The following AP1B1 variants were observed in gnomAD, a reference collection of about 807,000 sequenced individuals.
AP1B1 encodes the protein AP-1 complex subunit beta-1.
Under a neutral mutation model 104.3 loss-of-function variants are expected in AP1B1, and 36 were observed. The observed-to-expected ratio is 0.35, with a 90% CI of 0.26 to 0.46. AP1B1 has a LOEUF of 0.46. Among genes scored for constraint, AP1B1 ranks in the 20% least tolerant of loss-of-function variants. The probability of loss-of-function intolerance (pLI) is 1.00; values close to 1 mark genes in which losing one functional copy is unlikely to be tolerated. For synonymous variants in AP1B1, 504 were observed against 517.5 expected (o/e 0.97, Z 0.35); for missense variants, 901 against 1,247.9 (o/e 0.72, Z 4.19).
At chr22:29,332,207 C>T (rs2061572265) in intron 17 of AP1B1, 3 of 317,050 alleles carry the variant, frequency 9.5e-6, no homozygotes, top group South Asian at 1.8e-4. Context: ...CACTGGTGGG[C>T]CCAGGTAGGC....
At chr22:29,331,733 G>A in intron 18 of AP1B1, 54 bp downstream of exon 18, 1 of 1,614,004 alleles carries the variant, frequency 6.2e-7, no homozygotes. Flanking sequence ...ACCCCAGTGG[G>A]GCCCGGCTGG....
intron 11 of AP1B1, among the ~76,000 whole-genome samples, chr22:29,347,109 T>G (rs2061805180): frequency 1.3e-5 from 2 of 152,182 alleles, no homozygotes; most frequent in Non-Finnish European, 2.9e-5. Flanking sequence ...GAACTGTTGA[T>G]TCCTTACAGC....
chr22:29,366,557 AGC>A (rs1166828062), intron 2 of AP1B1, among the ~76,000 whole-genome samples: 1 of 152,044 alleles, frequency 6.6e-6, no homozygotes, highest in African/African-American at 2.4e-5. Context: ...AAACCTGGAA[AGC>A]GGAGGTTGTG....
chr22:29,357,670 G>C (rs1196678770), intron 5 of AP1B1, among the ~76,000 whole-genome samples: 1 of 149,406 alleles, frequency 6.7e-6, no homozygotes, highest in Admixed American at 6.6e-5. Context: ...GAGCCACTGC[G>C]CGCGGCCTCA....
At chr22:29,358,158 C>T (rs575752401) in intron 5 of AP1B1, among the ~76,000 whole-genome samples, 5 of 152,236 alleles carry the variant, frequency 3.3e-5, no homozygotes, top group African/African-American at 9.6e-5. Context: ...TTAAACAGGC[C>T]CTGCCAAACT....
intron 11 of AP1B1, 139 bp downstream of exon 11, chr22:29,349,079 T>A (rs1846255031): frequency 2.1e-6 from 2 of 960,096 alleles, no homozygotes; most frequent in Non-Finnish European, 3.1e-6. Context: ...AGGGGCGGTG[T>A]CCATTACGCG....
chr22:29,360,022 G>T lies in AP1B1; in HGVS notation c.144-63C>A. The T allele has an allele frequency of 1.9e-6, 3 of 1,562,036 alleles. No homozygotes were observed. In the Admixed American group the frequency reaches 5.2e-5, roughly 27 times the overall value. ...AACAAAGGAAGAGGAAGATTTTCAG[G>T]CTGCTAACTAGTGGGTGAGAGGACA... On this transcript the variant is annotated intron_variant, in intron 3 of 22. Coordinates refer to ENST00000357586, the MANE Select transcript of AP1B1 (RefSeq NM_001127.4).
At chr22:29,334,743 AG>A (rs1358242286) in intron 16 of AP1B1, among the ~76,000 whole-genome samples, 2 of 150,430 alleles carry the variant, frequency 1.3e-5, no homozygotes, top group African/African-American at 4.8e-5. Context: ...CTGGCAATGG[AG>A]GGATCACTTG....
Position 29,342,196 on chromosome 22 carries a change from C to A in AP1B1, c.1536+89G>T, listed in dbSNP as rs2061725415. On this transcript the variant is annotated intron_variant, in intron 12 of 22. Coordinates refer to ENST00000357586, the MANE Select transcript of AP1B1 (RefSeq NM_001127.4). ...ACAAGATACCTGTCTTAGGAGCGGG[C>A]CTGGCTTCCAGGTCTAGTTCCTGGG... 8 of 1,089,174 alleles carry A rather than the reference C, an allele frequency of 7.3e-6. No homozygotes were observed. The Admixed American group carries it at 1.2e-4, about 17-fold the overall frequency. The allele number at this position is 1,089,174 out of a possible 1,614,324, so 67.5% of individuals were successfully genotyped here.
chr22:29,368,760 A>C (rs1422803177), intron 1 of AP1B1, among the ~76,000 whole-genome samples: 2 of 151,592 alleles, frequency 1.3e-5, no homozygotes, highest in East Asian at 3.9e-4. Flanking sequence ...TTCAGTCAAA[A>C]AAAAAAAAAA....
At chr22:29,334,873 G>A (rs1429924535) in intron 16 of AP1B1, among the ~76,000 whole-genome samples, 2 of 152,232 alleles carry the variant, frequency 1.3e-5, no homozygotes, top group African/African-American at 4.8e-5. Flanking sequence ...CCTTGCAGGA[G>A]GCAGGGCTGG....
intron 5 of AP1B1, among the ~76,000 whole-genome samples, chr22:29,356,882 T>A (rs530997207): frequency 6.6e-6 from 1 of 152,278 alleles, no homozygotes; most frequent in South Asian, 2.1e-4. Context: ...CATTCTCAGC[T>A]TCCTAACACA....
chr22:29,354,914 G>C lies in AP1B1; in HGVS notation c.717-43C>G, dbSNP rs750736317. On this transcript the variant is annotated intron_variant, in intron 6 of 22. Transcript: ENST00000357586. ...CAACGGGGCAAACAGGAAAGACAAG[G>C]GGAAACATTCTGTTTTTAGTTACCA... 3 of 1,556,142 alleles carry C rather than the reference G, an allele frequency of 1.9e-6. No individual in the cohort carries two copies. The South Asian group carries it at 3.3e-5, about 17-fold the overall frequency.
chr22:29,347,631 T>C (rs144327069), intron 11 of AP1B1, among the ~76,000 whole-genome samples: 13 of 152,232 alleles, frequency 8.5e-5, no homozygotes, highest in African/African-American at 3.1e-4. Context: ...GGAATACAAA[T>C]GACAAGGCAG....
intron 1 of AP1B1, among the ~76,000 whole-genome samples, chr22:29,376,857 G>C (rs1210590918): frequency 6.6e-6 from 1 of 151,942 alleles, no homozygotes; most frequent in East Asian, 1.9e-4. Context: ...CGTTAGAGAT[G>C]ATGACGCTAT....
intron 9 of AP1B1, among the ~76,000 whole-genome samples, 189 bp downstream of exon 9, chr22:29,350,982 T>TA (rs1282415065): frequency 6.6e-6 from 1 of 152,204 alleles, no homozygotes; most frequent in Admixed American, 6.5e-5. Flanking sequence ...CTCGAAGGCC[T>TA]AAAGGATACT....
At position 29,346,032 on chromosome 22, in the gene AP1B1, T is replaced by C. The variant is rs991130257; in HGVS notation, c.1437+3186A>G. 4.6e-5 allele frequency among the ~76,000 whole-genome samples: 7 copies of C among 152,204 alleles called. 1 individual carries two copies. Reference sequence around the variant, plus strand: ...TTTGAACTGTGTTGTGAACCAAAGATGCAAAGTGAACAGGCTACTGAATTA... The same window carrying C: ...TTTGAACTGTGTTGTGAACCAAAGACGCAAAGTGAACAGGCTACTGAATTA... On this transcript the variant is annotated intron_variant, in intron 11 of 22. Transcript: ENST00000357586.
chr22:29,347,582 C>G (rs77143927), intron 11 of AP1B1, among the ~76,000 whole-genome samples: 5,143 of 152,180 alleles, frequency 0.034, 273 homozygotes, highest in African/African-American at 0.12. Flanking sequence ...CTGTGCTCAC[C>G]AACAGACTAA....
chr22:29,358,804 G>A lies in AP1B1; in HGVS notation c.447C>T (p.His149=), dbSNP rs141459111. 2.8e-5 allele frequency: 46 copies of A among 1,614,216 alleles called. No homozygotes were observed. The African/African-American group carries it at 3.5e-4, about 12-fold the overall frequency. ...CCTCCACCAGCTGGGCGTTGATGTC[G>A]TGGAGCTTGGCCACGCACACAGCTG... The part of the protein sequence containing the change: ...KTAAVCVAKL[H]DINAQLVEDQ... Residue 149 remains histidine (H), a synonymous_variant, in exon 5 of 23, where the codon CAC becomes CAT. Coordinates refer to ENST00000357586, the MANE Select transcript of AP1B1 (RefSeq NM_001127.4).
Sources: allele counts gnomAD v4.1 joint callset (sites outside exome capture counted in the v4.1 genomes callset), GRCh38; gene constraint gnomAD v4.1.1; transcripts MANE v1.5; gene names NCBI Gene and HGNC (gene_info 2026-07-23, HGNC 2026-07-21).